NKAIN3: variants seen among roughly 807,000 people sequenced by gnomAD.
The protein encoded by NKAIN3 is sodium/potassium-transporting ATPase subunit beta-1-interacting protein 3.
A neutral mutation model predicts 30.2 loss-of-function variants in NKAIN3; 25 were observed. The observed-to-expected ratio is 0.83, with a 90% CI of 0.60 to 1.16. NKAIN3 has a LOEUF of 1.16. NKAIN3 is among the 50% of genes most tolerant of loss of function. NKAIN3 has a pLI of 0.00. For synonymous variants in NKAIN3, 91 were observed against 89.6 expected, an observed-to-expected ratio of 1.02 and a Z score of -0.09; for missense variants, 225 against 254.1, an observed-to-expected ratio of 0.89 and a Z score of 0.78.
intron 3 of NKAIN3, among the ~76,000 whole-genome samples, chr8:62,631,268 C>T (rs1289465623): frequency 1.3e-5 from 2 of 152,156 alleles, no homozygotes; most frequent in East Asian, 1.9e-4. Context: ...TACTCTTCCT[C>T]GATGTCGCCT....
At chr8:62,655,114 T>C (rs1326689404) in intron 3 of NKAIN3, among the ~76,000 whole-genome samples, 9 of 152,138 alleles carry the variant, frequency 5.9e-5, no homozygotes, top group Admixed American at 5.9e-4. Flanking sequence ...CAGAGGAGCT[T>C]AAGGCTATGA....
At position 62,746,937 on chromosome 8, in the gene NKAIN3, C is replaced by T. The variant is rs148093471; in HGVS notation, c.279C>T (p.Thr93=). The change falls in exon 4 of 7, where the codon ACC becomes ACT. Residue 93 remains threonine, a synonymous_variant. Coordinates refer to ENST00000623646, the MANE Select transcript of NKAIN3 (RefSeq NM_001304533.3). ...TTTGTCTCCTACCCACCTAGGACAC[C>T]GATCTAATGACATTCAATATCTCTG... The part of the protein sequence containing the change: ...YLEVGGLSKD[T]DLMTFNISVH... 12 of 1,597,730 alleles carry T rather than the reference C, an allele frequency of 7.5e-6. No individual in the cohort carries two copies. Among genetic ancestry groups the T allele is most frequent in the East Asian group, 2.2e-5 (1 of 44,514 alleles).
At chr8:62,394,563 C>G (rs1047836216) in intron 1 of NKAIN3, among the ~76,000 whole-genome samples, 1 of 152,156 alleles carries the variant, frequency 6.6e-6, no homozygotes, top group Non-Finnish European at 1.5e-5. Flanking sequence ...AAGGCTGCCA[C>G]TTCACACTTG....
At chr8:62,254,077 A>G (rs945798353) in intron 1 of NKAIN3, among the ~76,000 whole-genome samples, 1 of 151,920 alleles carries the variant, frequency 6.6e-6, no homozygotes, top group African/African-American at 2.4e-5. Context: ...TGTGACTGGT[A>G]TTGAAACCAT....
rs955432247 is a variant in NKAIN3 at position 62,976,107 on chromosome 8, G to T, written c.*10700G>T. On this transcript the variant is annotated 3_prime_UTR_variant, in exon 7 of 7. Transcript: ENST00000623646. The stretch of plus-strand genomic sequence containing the variant: ...TGATGAGTGTTTTACTTCCAGTTAT[G>T]TGGTCGATTTTAGGAAAATGTGCTA... Among the ~76,000 whole-genome samples the T allele has an allele frequency of 6.6e-6, 1 of 152,160 alleles. No individual in the cohort carries two copies. The highest frequency in any genetic ancestry group is 1.5e-5 in the Non-Finnish European group (1 of 68,024).
At chr8:62,562,359 C>T (rs767981192) in intron 1 of NKAIN3, among the ~76,000 whole-genome samples, 3 of 152,002 alleles carry the variant, frequency 2.0e-5, no homozygotes, top group East Asian at 3.9e-4. Context: ...TGACGAAGAC[C>T]GTTTCACCAG....
chr8:62,641,145 C>T (rs1437705121), intron 3 of NKAIN3, among the ~76,000 whole-genome samples: 1 of 152,038 alleles, frequency 6.6e-6, no homozygotes, highest in Admixed American at 6.6e-5. Flanking sequence ...GAATCAGAAT[C>T]TACACTTTAA....
chr8:62,346,999 G>A (rs1413772292), intron 1 of NKAIN3, among the ~76,000 whole-genome samples: 1 of 152,084 alleles, frequency 6.6e-6, no homozygotes, highest in Non-Finnish European at 1.5e-5. Flanking sequence ...ATTTAGAATA[G>A]TGAATAAAGG....
intron 4 of NKAIN3, among the ~76,000 whole-genome samples, chr8:62,805,591 C>A (rs1200733560): frequency 6.6e-6 from 1 of 152,134 alleles, no homozygotes; most frequent in Admixed American, 6.5e-5. Flanking sequence ...GGAAAACTGG[C>A]TAGCCATATG....
chr8:62,999,459 C>T (rs1804204409), exon 6 of NKAIN3: 1 of 152,200 alleles, frequency 6.6e-6, no homozygotes, highest in Non-Finnish European at 1.5e-5. Context: ...GATCCATCCT[C>T]ATGACACAAA....
At chr8:62,392,348 T>A (rs1817606774) in intron 1 of NKAIN3, among the ~76,000 whole-genome samples, 1 of 152,086 alleles carries the variant, frequency 6.6e-6, no homozygotes, top group Non-Finnish European at 1.5e-5. Flanking sequence ...TGTGTATGAT[T>A]TGAAGGAGAC....
chr8:62,527,882 G>GGTGGGTGT (rs1554543241), intron 1 of NKAIN3, among the ~76,000 whole-genome samples: 1 of 143,690 alleles, frequency 7.0e-6, no homozygotes, highest in Admixed American at 7.1e-5. Flanking sequence ...ACTTTTTTTT[G>GGTGGGTGT]GTGTGTGTGT....
intron 1 of NKAIN3, among the ~76,000 whole-genome samples, chr8:62,538,411 G>C (rs1260920094): frequency 1.3e-5 from 2 of 152,126 alleles, no homozygotes; most frequent in African/African-American, 4.8e-5. Flanking sequence ...CTGAGCTCAA[G>C]CAATTCCCCC....
intron 4 of NKAIN3, among the ~76,000 whole-genome samples, chr8:62,778,340 G>T (rs1051515263): frequency 6.6e-6 from 1 of 152,094 alleles, no homozygotes; most frequent in African/African-American, 2.4e-5. Context: ...CTGAGAACCA[G>T]GTCTTGGAAT....
downstream of NKAIN3, among the ~76,000 whole-genome samples, chr8:62,988,426 C>T (rs1284753243): frequency 2.0e-5 from 3 of 152,272 alleles, no homozygotes; most frequent in Non-Finnish European, 4.4e-5. Flanking sequence ...GCCTGGATAT[C>T]CAGGTGTTTC....
rs146073351 is a variant in NKAIN3 at position 62,780,590 on chromosome 8, G to C, written c.471+33461G>C. ...GCATATCAAAAAAATAATATACCATGATCAAGTGGGATTTATTCCAGGGAT... is the reference window on the plus strand; with the variant it reads ...GCATATCAAAAAAATAATATACCATCATCAAGTGGGATTTATTCCAGGGAT... On this transcript the variant is annotated intron_variant, in intron 4 of 6. Coordinates refer to ENST00000623646, the MANE Select transcript of NKAIN3 (RefSeq NM_001304533.3). 2.8e-4 allele frequency among the ~76,000 whole-genome samples: 42 copies of C among 152,126 alleles called. No homozygotes were observed. The East Asian group carries it at 4.4e-3, about 16-fold the overall frequency.
intron 4 of NKAIN3, among the ~76,000 whole-genome samples, chr8:62,768,960 A>T (rs1300281460): frequency 1.3e-5 from 2 of 152,190 alleles, no homozygotes; most frequent in East Asian, 3.8e-4. Context: ...TGATATATTC[A>T]AAGTATTTTC....
intron 1 of NKAIN3, among the ~76,000 whole-genome samples, chr8:62,318,737 G>A (rs544588864): frequency 6.6e-6 from 1 of 152,302 alleles, no homozygotes; most frequent in South Asian, 2.1e-4. Flanking sequence ...CGGTTTGCCA[G>A]TATTTTATTG....
rs544061373 is a variant in NKAIN3 at position 62,649,863 on chromosome 8, A to G, written c.273+60069A>G. Among the ~76,000 whole-genome samples, 29 of 152,268 alleles carry G rather than the reference A, an allele frequency of 1.9e-4. No individual in the cohort carries two copies. In the South Asian group the frequency reaches 5.8e-3, roughly 30 times the overall value. On this transcript the variant is annotated intron_variant, in intron 3 of 6. Transcript: ENST00000623646. ...GGGGAAGGTTCCCCAGTGCTTCCAG[A>G]GTCCAAACAGGCCCCATCTATTTTA...
Sources: allele counts gnomAD v4.1 joint callset (sites outside exome capture counted in the v4.1 genomes callset), GRCh38; gene constraint gnomAD v4.1.1; transcripts MANE v1.5; gene names NCBI Gene and HGNC (gene_info 2026-07-23, HGNC 2026-07-21).